Variants in MRPS9 observed in about 807,000 individuals in gnomAD.
The protein encoded by MRPS9 is mitochondrial ribosomal protein S9, also known as small ribosomal subunit protein uS9m.
Under a neutral mutation model 59.9 loss-of-function variants are expected in MRPS9, and 45 were observed. That is an observed-to-expected ratio of 0.75 (90% confidence interval 0.59 to 0.96). The LOEUF (loss-of-function observed/expected upper bound fraction) is 0.96. Ranked by LOEUF, MRPS9 falls within the 40% of genes least tolerant of loss-of-function variation. MRPS9 has a pLI of 0.00. For missense variants in MRPS9, 473 were observed against 481.1 expected (o/e 0.98, Z 0.16); for synonymous variants, 171 against 166.8 (o/e 1.03, Z -0.19).
chr2:105,071,689 T>C (rs1269153113), intron 4 of MRPS9, among the ~76,000 whole-genome samples, 200 bp downstream of exon 4: 1 of 152,214 alleles, frequency 6.6e-6, no homozygotes, highest in Non-Finnish European at 1.5e-5. Context: ...AAATTAGATG[T>C]GTTTAGAGCT....
chr2:105,061,168 A>C (rs990081922), intron 2 of MRPS9, among the ~76,000 whole-genome samples: 3 of 151,600 alleles, frequency 2.0e-5, no homozygotes, highest in Non-Finnish European at 4.4e-5. Context: ...GCTTGAGCAA[A>C]TGCCTTTCTA....
intron 2 of MRPS9, among the ~76,000 whole-genome samples, chr2:105,053,753 T>C (rs564013645): frequency 3.3e-5 from 5 of 152,296 alleles, no homozygotes; most frequent in African/African-American, 9.6e-5. Context: ...AGATAAGTGG[T>C]GGCAGCTATT....
chr2:105,059,899 C>A (rs1679863717), intron 2 of MRPS9, among the ~76,000 whole-genome samples: 1 of 151,930 alleles, frequency 6.6e-6, no homozygotes, highest in Non-Finnish European at 1.5e-5. Context: ...GTCTTTTCCT[C>A]ACCACCTTCC....
At chr2:105,085,175 G>C (rs1257526791) in intron 5 of MRPS9, among the ~76,000 whole-genome samples, 1 of 152,070 alleles carries the variant, frequency 6.6e-6, no homozygotes, top group African/African-American at 2.4e-5. Context: ...CAAAGTAATA[G>C]CAAGAGTCTA....
chr2:105,083,996 A>G (rs1680397996), intron 5 of MRPS9, among the ~76,000 whole-genome samples: 1 of 152,150 alleles, frequency 6.6e-6, no homozygotes, highest in Non-Finnish European at 1.5e-5. Flanking sequence ...AGAGAGGTTA[A>G]TAAAGTCCTA....
At chr2:105,051,335 T>C (rs1007448382) in intron 2 of MRPS9, among the ~76,000 whole-genome samples, 3 of 152,212 alleles carry the variant, frequency 2.0e-5, no homozygotes, top group Non-Finnish European at 4.4e-5. Context: ...ATCACTTATA[T>C]TGAATATCAG....
At chr2:105,045,162 T>C (rs769814773) in intron 1 of MRPS9, among the ~76,000 whole-genome samples, 7 of 152,134 alleles carry the variant, frequency 4.6e-5, no homozygotes, top group Non-Finnish European at 7.4e-5. Context: ...AGATAATTGC[T>C]GTGGCTGAAA....
At chr2:105,081,480 T>A (rs938807822) in intron 5 of MRPS9, among the ~76,000 whole-genome samples, 3 of 152,206 alleles carry the variant, frequency 2.0e-5, no homozygotes, top group Non-Finnish European at 4.4e-5. Context: ...AGCATGCAGG[T>A]CTTGTAGAGG....
At chr2:105,059,603 A>G (rs987967621) in intron 2 of MRPS9, among the ~76,000 whole-genome samples, 1 of 150,686 alleles carries the variant, frequency 6.6e-6, no homozygotes, top group Non-Finnish European at 1.5e-5. Context: ...AGGGTTGGGT[A>G]TTTCTTAGTT....
intron 10 of MRPS9, 50 bp from the exon 11 acceptor site, chr2:105,099,620 G>T: frequency 6.5e-7 from 1 of 1,547,142 alleles, no homozygotes; most frequent in Non-Finnish European, 8.8e-7. Flanking sequence ...TTTTCTTCTG[G>T]GCAGCATGCA....
At chr2:105,043,976 C>G (rs1459543589) in intron 1 of MRPS9, among the ~76,000 whole-genome samples, 2 of 147,174 alleles carry the variant, frequency 1.4e-5, no homozygotes, top group East Asian at 4.0e-4. Context: ...TGCTCTGTTG[C>G]CCAGGCTGGA....
Position 105,097,478 on chromosome 2 carries a change from A to T in MRPS9, c.1099+154A>T, listed in dbSNP as rs1472042824. On this transcript the variant is annotated intron_variant, in intron 10 of 10. Transcript: ENST00000258455. The stretch of plus-strand genomic sequence containing the variant: ...TTCTTTCTTGCTACAGAACCATAAC[A>T]GTATTTCTCAGATTTGATTTCTACA... The T allele has an allele frequency of 4.6e-6, 3 of 654,466 alleles. No homozygotes were observed. In the East Asian group the frequency reaches 1.1e-4, roughly 23 times the overall value. The allele number at this position is 654,466 out of a possible 1,614,324, so 40.5% of individuals were successfully genotyped here.
chr2:105,081,490 G>A (rs1443551183), intron 5 of MRPS9, among the ~76,000 whole-genome samples: 2 of 152,178 alleles, frequency 1.3e-5, no homozygotes, highest in Non-Finnish European at 2.9e-5. Context: ...TCTTGTAGAG[G>A]AGCCTTATCA....
chr2:105,088,497 T>G (rs557646238), intron 5 of MRPS9, among the ~76,000 whole-genome samples: 38 of 152,128 alleles, frequency 2.5e-4, no homozygotes, highest in African/African-American at 7.2e-4. Flanking sequence ...AAAAACTATA[T>G]GATAAGGACT....
chr2:105,065,177 C>CTT (rs1174565374), intron 2 of MRPS9, among the ~76,000 whole-genome samples: 11 of 152,178 alleles, frequency 7.2e-5, no homozygotes, highest in African/African-American at 2.7e-4. Flanking sequence ...CTATTTCTTT[C>CTT]TCTTTAAGCA....
At chr2:105,099,556 C>A in intron 10 of MRPS9, 114 bp from the exon 11 acceptor site, 1 of 911,086 alleles carries the variant, frequency 1.1e-6, no homozygotes, top group Non-Finnish European at 1.6e-6. Context: ...GGTCTGGTTG[C>A]TTTCCTCTAG....
rs751155585 is a variant in MRPS9, at chr2:105,061,109, C to CAAAAAA, written c.316-10182_316-10177dup. The stretch of plus-strand genomic sequence containing the variant: ...TGGGCGACAGAGCAGGACTCTGTCT[C>CAAAAAA]AAAAAAAAAAAAAAAAAAAAAAAAA... On this transcript the variant is annotated intron_variant, in intron 2 of 10. Transcript: ENST00000258455. Among the ~76,000 whole-genome samples the CAAAAAA allele has an allele frequency of 4.2e-3, 200 of 47,980 alleles. 12 individuals carry two copies. Among genetic ancestry groups the CAAAAAA allele is most frequent in the Non-Finnish European group, 5.4e-3 (142 of 26,280 alleles). The allele number at this position is 47,980 out of a possible 152,430, so 31.5% of individuals were successfully genotyped here.
At chr2:105,094,806 C>G (rs1250056927) in intron 9 of MRPS9, among the ~76,000 whole-genome samples, 2 of 152,190 alleles carry the variant, frequency 1.3e-5, no homozygotes, top group Non-Finnish European at 2.9e-5. Context: ...GAGGACTGTT[C>G]TTTAACCAAT....
At chr2:105,084,247 A>AATATAGATATAGATATATATATATAT (rs754016660) in intron 5 of MRPS9, among the ~76,000 whole-genome samples, 1 of 139,594 alleles carries the variant, frequency 7.2e-6, no homozygotes, top group African/African-American at 2.6e-5. Context: ...TATATACCAA[A>AATATAGATATAGATATATATATATAT]ATATATATAT....
Sources: allele counts gnomAD v4.1 joint callset (sites outside exome capture counted in the v4.1 genomes callset), GRCh38; gene constraint gnomAD v4.1.1; transcripts MANE v1.5; gene names NCBI Gene and HGNC (gene_info 2026-07-23, HGNC 2026-07-21).